Variants in SPATA7 observed in about 807,000 individuals in gnomAD.
SPATA7 encodes the protein spermatogenesis-associated protein 7.
In SPATA7, 43 loss-of-function variants were observed where a neutral mutation model predicts 51.8. That is an observed-to-expected ratio of 0.83 (90% CI 0.65 to 1.07). SPATA7 has a LOEUF of 1.07. Ranked by LOEUF, SPATA7 falls within the 50% of genes least tolerant of loss-of-function variation. SPATA7 has a pLI of 0.00. For missense variants in SPATA7, 683 were observed against 701.3 expected (o/e 0.97, Z 0.30); for synonymous variants, 230 against 252.8 (o/e 0.91, Z 0.86).
chr14:88,462,377 T>C (rs964900009), intron 4 of SPATA7, among the ~76,000 whole-genome samples: 1 of 152,250 alleles, frequency 6.6e-6, no homozygotes, highest in Admixed American at 6.5e-5. Context: ...AATTGAGGCC[T>C]GACAGACTCA....
chr14:88,422,676 G>A (rs554871001), intron 5 of SPATA7, among the ~76,000 whole-genome samples: 5 of 149,406 alleles, frequency 3.3e-5, no homozygotes, highest in African/African-American at 7.3e-5. Context: ...TTTTCCAATA[G>A]CAACTATAAC....
At chr14:88,457,557 A>AT (rs2077292078), downstream of SPATA7, among the ~76,000 whole-genome samples, 1 of 152,026 alleles carries the variant, frequency 6.6e-6, no homozygotes, top group Non-Finnish European at 1.5e-5. Flanking sequence ...AATGCTTGTG[A>AT]TTTTTTGCAC....
intron 4 of SPATA7, among the ~76,000 whole-genome samples, chr14:88,412,266 G>T (rs1566765922): frequency 1.3e-5 from 2 of 149,580 alleles, no homozygotes. Context: ...TTGTATTAGG[G>T]TTCTCTAGAG....
intron 4 of SPATA7, 106 bp from the exon 5 acceptor site, chr14:88,416,600 ACATAT>A (rs2076484699): frequency 4.9e-6 from 5 of 1,010,546 alleles, no homozygotes; most frequent in South Asian, 4.4e-5. Flanking sequence ...ATTTTTATTT[ACATAT>A]CATAACATTT....
downstream of SPATA7, chr14:88,438,501 T>G: frequency 8.8e-7 from 1 of 1,135,450 alleles, no homozygotes; most frequent in Non-Finnish European, 1.3e-6. Flanking sequence ...GTATAAGATT[T>G]CTCTATTGGT....
At chr14:88,394,531 C>G (rs554160946) in intron 3 of SPATA7, among the ~76,000 whole-genome samples, 1 of 152,226 alleles carries the variant, frequency 6.6e-6, no homozygotes, top group South Asian at 2.1e-4. Context: ...AATGAATAGA[C>G]CACAATTTGT....
chr14:88,401,696 G>A (rs1395949427), intron 4 of SPATA7, among the ~76,000 whole-genome samples: 1 of 151,560 alleles, frequency 6.6e-6, no homozygotes, highest in African/African-American at 2.4e-5. Flanking sequence ...AATTAACCAG[G>A]CATGGTGACA....
At chr14:88,401,114 C>T (rs1258662130) in intron 4 of SPATA7, among the ~76,000 whole-genome samples, 1 of 152,124 alleles carries the variant, frequency 6.6e-6, no homozygotes, top group Non-Finnish European at 1.5e-5. Flanking sequence ...TACCAGCAAA[C>T]TGAATTCAAT....
At chr14:88,414,721 C>G in intron 4 of SPATA7, 1 of 364,720 alleles carries the variant, frequency 2.7e-6, no homozygotes, top group Non-Finnish European at 5.3e-6. Context: ...TTGCTGCATC[C>G]CAGAAATTTT....
chr14:88,469,698 T>C lies in SPATA7; in HGVS notation c.255-149T>C, dbSNP rs1028648729. The stretch of plus-strand genomic sequence containing the variant: ...CAGTGTTGTGCCTGGAACCAAGTCG[T>C]GGCCAGTACCTAAAGCTCTTCTCCC... On this transcript the variant is annotated intron_variant, in intron 4 of 4. Transcript: ENST00000556406. This position sits in a 1 kb window ranked among gnomAD's most constrained non-coding sequence, Gnocchi z 4.3. 2.5e-6 allele frequency: 4 copies of C among 1,614,102 alleles called. No individual in the cohort carries two copies. The highest frequency in any genetic ancestry group is 2.2e-5 in the East Asian group (1 of 44,896).
intron 11 of SPATA7, 57 bp downstream of exon 11, chr14:88,437,654 GT>G (rs1266274931): frequency 1.1e-5 from 16 of 1,459,904 alleles, no homozygotes; most frequent in Middle Eastern, 1.8e-4. Flanking sequence ...TAATTGTATG[GT>G]TTTTTTCATA....
intron 10 of SPATA7, 134 bp downstream of exon 10, chr14:88,433,346 CTTA>C (rs1204771098): frequency 7.6e-6 from 5 of 656,850 alleles, no homozygotes; most frequent in African/African-American, 3.7e-5. Context: ...TTCTTGGAAA[CTTA>C]TTATTATAAT....
At chr14:88,414,651 A>T (rs921252661) in intron 4 of SPATA7, 9 of 393,840 alleles carry the variant, frequency 2.3e-5, no homozygotes, top group Non-Finnish European at 4.5e-5. Flanking sequence ...TTAATTTGAG[A>T]TCTTTCTGTC....
chr14:88,441,562 C>T (rs542249593), downstream of SPATA7, among the ~76,000 whole-genome samples: 18 of 152,170 alleles, frequency 1.2e-4, no homozygotes, highest in African/African-American at 3.6e-4. Flanking sequence ...AAGGTGGTAT[C>T]GCGTTGTGGT....
chr14:88,458,840 CT>C (rs1351220436), downstream of SPATA7, among the ~76,000 whole-genome samples: 4 of 152,196 alleles, frequency 2.6e-5, no homozygotes, highest in African/African-American at 9.7e-5. Flanking sequence ...ATCTTTCCTG[CT>C]TTCTCTTATG....
chr14:88,455,583 T>A (rs571483266), downstream of SPATA7, among the ~76,000 whole-genome samples: 1 of 152,270 alleles, frequency 6.6e-6, no homozygotes, highest in East Asian at 1.9e-4. Flanking sequence ...ATACACACCT[T>A]TACAAACCAA....
At chr14:88,399,991 G>T (rs1481074259) in intron 4 of SPATA7, among the ~76,000 whole-genome samples, 3 of 152,082 alleles carry the variant, frequency 2.0e-5, no homozygotes, top group Non-Finnish European at 4.4e-5. Context: ...GAATTTAACA[G>T]ATATATACAG....
chr14:88,454,024 TCCAAC>T (rs1483165955), intron 3 of SPATA7, among the ~76,000 whole-genome samples: 1 of 152,128 alleles, frequency 6.6e-6, no homozygotes, highest in Non-Finnish European at 1.5e-5. Context: ...ACCTAGTTTT[TCCAAC>T]CCAACAAACC....
chr14:88,414,772 TTTTG>T (rs370002007), intron 4 of SPATA7: 35 of 296,822 alleles, frequency 1.2e-4, no homozygotes, highest in African/African-American at 6.9e-4. Context: ...CAAAGAGTTT[TTTTG>T]TTTTTTTTTA....
Sources: gnomAD v4.1 joint callset for allele counts (sites outside exome capture counted in the v4.1 genomes callset) on GRCh38, gnomAD v4.1.1 for gene constraint, Gnocchi (gnomAD v3.1) non-coding constraint, MANE v1.5 for transcripts, NCBI Gene and HGNC (gene_info 2026-07-23, HGNC 2026-07-21) for gene names.